The following BRINP3 variants were observed in gnomAD, a reference collection of about 807,000 sequenced individuals.
The protein encoded by BRINP3 is BMP/retinoic acid-inducible neural-specific protein 3.
In BRINP3, 19 loss-of-function variants were observed where a neutral mutation model predicts 71.0. The ratio of observed to expected loss-of-function variants is 0.27; its 90% CI spans 0.19 to 0.39. The LOEUF (loss-of-function observed/expected upper bound fraction) is 0.39, where lower values mean the gene tolerates loss of function less well. Ranked by LOEUF, BRINP3 falls within the 10% of genes least tolerant of loss-of-function variation. BRINP3 has a pLI of 1.00. For missense variants in BRINP3, 959 were observed against 940.8 expected, an observed-to-expected ratio of 1.02 and a Z score of -0.25; for synonymous variants, 380 against 337.7, an observed-to-expected ratio of 1.13 and a Z score of -1.37.
intron 3 of BRINP3, among the ~76,000 whole-genome samples, chr1:190,269,523 T>C (rs1372146878): frequency 6.6e-6 from 1 of 152,006 alleles, no homozygotes; most frequent in Non-Finnish European, 1.5e-5. Flanking sequence ...GGTTAATTCC[T>C]CTAACATTCC....
At chr1:190,295,906 C>T (rs1356320540) in intron 2 of BRINP3, among the ~76,000 whole-genome samples, 2 of 152,070 alleles carry the variant, frequency 1.3e-5, no homozygotes, top group Non-Finnish European at 2.9e-5. Context: ...AAATCAGGCA[C>T]TGTGATTAAT....
At chr1:190,101,262 C>T (rs1651677241) in intron 7 of BRINP3, among the ~76,000 whole-genome samples, 1 of 152,098 alleles carries the variant, frequency 6.6e-6, no homozygotes, top group Non-Finnish European at 1.5e-5. Flanking sequence ...CAAAAGTATG[C>T]CCAGTGTGTT....
At chr1:190,182,633 T>C (rs1315965423) in intron 6 of BRINP3, among the ~76,000 whole-genome samples, 1 of 152,154 alleles carries the variant, frequency 6.6e-6, no homozygotes, top group Non-Finnish European at 1.5e-5. Context: ...AGGTAATCTC[T>C]GGCTTGCATG....
In BRINP3 at chr1:190,462,255, A is replaced by T. The variant is rs564600796; in HGVS notation, c.-50-7315T>A. 3.9e-5 allele frequency among the ~76,000 whole-genome samples: 6 copies of T among 152,278 alleles called. No homozygotes were observed. In the East Asian group the frequency reaches 9.7e-4, roughly 25 times the overall value. ...ATGTTAAAAAATGTTAAGGACAAAA[A>T]TAGAAAGTATTATTATTAATTATTA... On this transcript the variant is annotated intron_variant, in intron 1 of 7. Coordinates refer to ENST00000367462, the MANE Select transcript of BRINP3 (RefSeq NM_199051.3).
chr1:190,230,396 A>C (rs978731434), intron 5 of BRINP3, among the ~76,000 whole-genome samples: 1 of 152,008 alleles, frequency 6.6e-6, no homozygotes, highest in Non-Finnish European at 1.5e-5. Flanking sequence ...TATTTTGCTC[A>C]TGAACTACCT....
intron 6 of BRINP3, among the ~76,000 whole-genome samples, chr1:190,196,216 T>C (rs1558054370): frequency 1.3e-5 from 2 of 152,134 alleles, no homozygotes; most frequent in Non-Finnish European, 2.9e-5. Context: ...TTAGTTCCTT[T>C]AGGACTGCTA....
chr1:190,406,267 C>G (rs1672273741), intron 2 of BRINP3, among the ~76,000 whole-genome samples: 1 of 152,184 alleles, frequency 6.6e-6, no homozygotes. Context: ...ACTCCACTGG[C>G]TACTTTCAGT....
intron 1 of BRINP3, among the ~76,000 whole-genome samples, chr1:190,472,900 CTT>C (rs2102716730): frequency 6.6e-6 from 1 of 151,380 alleles, no homozygotes; most frequent in South Asian, 2.1e-4. Context: ...TGTACAATAA[CTT>C]TGCATGGAGA....
At chr1:190,457,206 C>T (rs1189471246) in intron 1 of BRINP3, among the ~76,000 whole-genome samples, 1 of 152,084 alleles carries the variant, frequency 6.6e-6, no homozygotes, top group Non-Finnish European at 1.5e-5. Flanking sequence ...CTTTGGGAGG[C>T]CGAGGAGGGC....
chr1:190,412,617 T>C (rs1330672350), intron 2 of BRINP3, among the ~76,000 whole-genome samples: 3 of 149,974 alleles, frequency 2.0e-5, no homozygotes, highest in Non-Finnish European at 3.0e-5. Flanking sequence ...TGCCCGCCAC[T>C]ACGCCCGGCT....
intron 2 of BRINP3, among the ~76,000 whole-genome samples, chr1:190,423,796 G>A (rs1455604634): frequency 6.6e-6 from 1 of 151,652 alleles, no homozygotes; most frequent in Non-Finnish European, 1.5e-5. Flanking sequence ...ACTGGTGCTA[G>A]ATGTAAGGAT....
chr1:190,431,062 G>A (rs1674067393), intron 2 of BRINP3, among the ~76,000 whole-genome samples: 1 of 152,026 alleles, frequency 6.6e-6, no homozygotes. Flanking sequence ...GGTAATTTAT[G>A]ACATACTACG....
At chr1:190,301,210 T>TATATATACACACACAC (rs1558160695) in intron 2 of BRINP3, among the ~76,000 whole-genome samples, 1 of 107,828 alleles carries the variant, frequency 9.3e-6, no homozygotes, top group African/African-American at 4.1e-5. Flanking sequence ...CATACATATA[T>TATATATACACACACAC]ATATATATAT....
At chr1:190,463,693 T>G (rs1017158439) in intron 1 of BRINP3, among the ~76,000 whole-genome samples, 1 of 151,932 alleles carries the variant, frequency 6.6e-6, no homozygotes. Context: ...CATTATTCAA[T>G]AATTTGTATC....
intron 2 of BRINP3, among the ~76,000 whole-genome samples, chr1:190,383,993 T>C (rs1025548325): frequency 2.0e-5 from 3 of 151,886 alleles, no homozygotes; most frequent in Non-Finnish European, 4.4e-5. Flanking sequence ...GATGAAAACA[T>C]TGAGACACAG....
At chr1:190,439,259 G>A (rs1002040122) in intron 2 of BRINP3, among the ~76,000 whole-genome samples, 16 of 151,806 alleles carry the variant, frequency 1.1e-4, no homozygotes, top group Admixed American at 9.9e-4. Context: ...ATGTTCATAT[G>A]AATAGTAGAA....
At chr1:190,194,350 A>AT (rs1157058250) in intron 6 of BRINP3, among the ~76,000 whole-genome samples, 2 of 152,104 alleles carry the variant, frequency 1.3e-5, no homozygotes, top group African/African-American at 4.8e-5. Flanking sequence ...TTGTGAAAAA[A>AT]TATTTTTTTT....
At chr1:190,417,558 C>T (rs1386779091) in intron 2 of BRINP3, among the ~76,000 whole-genome samples, 1 of 151,884 alleles carries the variant, frequency 6.6e-6, no homozygotes, top group Non-Finnish European at 1.5e-5. Context: ...TTAAATATGT[C>T]TTTGTTATTT....
chr1:190,121,405 A>G (rs975364385), intron 7 of BRINP3, among the ~76,000 whole-genome samples: 1 of 152,210 alleles, frequency 6.6e-6, no homozygotes, highest in African/African-American at 2.4e-5. Flanking sequence ...GAAAAACAGC[A>G]CACATTAAGG....
Sources: gnomAD v4.1 joint callset for allele counts (sites outside exome capture counted in the v4.1 genomes callset) on GRCh38, gnomAD v4.1.1 for gene constraint, MANE v1.5 for transcripts, NCBI Gene and HGNC (gene_info 2026-07-23, HGNC 2026-07-21) for gene names.